Variants in NBAS observed in about 807,000 individuals in gnomAD.
NBAS encodes NAG/BC035112 fusion.
Under a neutral mutation model 302.5 loss-of-function variants are expected in NBAS, and 219 were observed. The ratio of observed to expected loss-of-function variants is 0.72; its 90% CI spans 0.65 to 0.81. NBAS has a LOEUF of 0.81. NBAS is among the 30% of genes least tolerant of loss of function. The pLI, the probability that NBAS is intolerant of heterozygous loss-of-function variation, is 0.00. For synonymous variants in NBAS, 1,118 were observed against 1,021.6 expected, an observed-to-expected ratio of 1.09 and a Z score of -1.80; for missense variants, 2,932 against 2,841.6, an observed-to-expected ratio of 1.03 and a Z score of -0.72.
chr2:15,277,811 T>C (rs145783370), intron 42 of NBAS, among the ~76,000 whole-genome samples: 25 of 152,314 alleles, frequency 1.6e-4, no homozygotes, highest in African/African-American at 6.0e-4. Context: ...GTTGATTGGT[T>C]TGTGCTTTTA....
chr2:15,325,726 G>A (rs1368365745), intron 38 of NBAS, among the ~76,000 whole-genome samples: 9 of 152,132 alleles, frequency 5.9e-5, no homozygotes, highest in Non-Finnish European at 1.0e-4. Flanking sequence ...TATCATCTGC[G>A]TGTTCACTGG....
chr2:15,470,467 A>G (rs184220843), intron 16 of NBAS, among the ~76,000 whole-genome samples: 11 of 152,368 alleles, frequency 7.2e-5, no homozygotes, highest in African/African-American at 2.6e-4. Context: ...TAAAATGTTT[A>G]CTGGGCACCT....
chr2:15,424,466 A>G lies in NBAS; in HGVS notation c.2426T>C (p.Met809Thr). ...ATCTTGGAGATTCGGCTCAACAACC[A>G]TTCTGTGAAGCACAAAAGGACCAAT... is the stretch of plus-strand genomic sequence containing the variant. The part of the protein sequence containing the change: ...KDWCEELACR[M>T]VVEPNLQDES... Residue 809 changes from methionine to threonine, a missense_variant and splice_region_variant, in exon 23 of 52, where the codon ATG becomes ACG. Met to Thr is a moderately conservative substitution (Grantham distance 81, BLOSUM62 -1). Coordinates refer to ENST00000281513, the MANE Select transcript of NBAS (RefSeq NM_015909.4). 2 of 1,614,112 alleles carry G rather than the reference A, an allele frequency of 1.2e-6. No individual in the cohort carries two copies. Among genetic ancestry groups the G allele is most frequent in the South Asian group, 2.2e-5 (2 of 91,088 alleles).
chr2:15,547,027 A>C (rs1664149159), intron 6 of NBAS, among the ~76,000 whole-genome samples: 1 of 152,246 alleles, frequency 6.6e-6, no homozygotes, highest in Non-Finnish European at 1.5e-5. Flanking sequence ...CTACCATAGT[A>C]CAACTCTTTT....
At chr2:15,411,945 A>G (rs2148451558) in intron 25 of NBAS, among the ~76,000 whole-genome samples, 1 of 152,244 alleles carries the variant, frequency 6.6e-6, no homozygotes, top group South Asian at 2.1e-4. Context: ...GGACTAGCCC[A>G]AGTTTCTTCC....
intron 44 of NBAS, among the ~76,000 whole-genome samples, chr2:15,251,992 C>T (rs1668385575): frequency 6.6e-6 from 1 of 152,154 alleles, no homozygotes; most frequent in South Asian, 2.1e-4. Flanking sequence ...GCAGAAATGA[C>T]AACATGAGGA....
the NBAS span, among the ~76,000 whole-genome samples, chr2:15,159,986 A>G: frequency 6.6e-6 from 1 of 152,130 alleles, no homozygotes; most frequent in Non-Finnish European, 1.5e-5. Flanking sequence ...AAATCTAGCA[A>G]TAAGATTATT....
intron 46 of NBAS, among the ~76,000 whole-genome samples, chr2:15,233,885 T>A (rs1448085602): frequency 6.6e-6 from 1 of 152,182 alleles, no homozygotes; most frequent in East Asian, 1.9e-4. Context: ...AAAAGGAGAA[T>A]AAATTAAACA....
chr2:14,993,232 A>T, the NBAS span, among the ~76,000 whole-genome samples: 24 of 152,166 alleles, frequency 1.6e-4, no homozygotes, highest in African/African-American at 5.8e-4. Context: ...AAAAATGGAC[A>T]CTAGGGGAGG....
At chr2:15,441,219 T>G (rs1678380632) in intron 21 of NBAS, among the ~76,000 whole-genome samples, 1 of 151,624 alleles carries the variant, frequency 6.6e-6, no homozygotes, top group Non-Finnish European at 1.5e-5. Context: ...TTCACCAAAG[T>G]TGAAATGAAG....
the NBAS span, among the ~76,000 whole-genome samples, chr2:14,916,714 T>A: frequency 1.3e-5 from 2 of 152,244 alleles, no homozygotes; most frequent in African/African-American, 4.8e-5. Context: ...AAGCCCTGTT[T>A]GATAATTTAT....
chr2:14,981,942 T>A, the NBAS span, among the ~76,000 whole-genome samples: 1 of 152,178 alleles, frequency 6.6e-6, no homozygotes, highest in Non-Finnish European at 1.5e-5. Context: ...GCTCCTCACA[T>A]CAAAAGATGT....
intron 38 of NBAS, among the ~76,000 whole-genome samples, chr2:15,318,484 G>A (rs1425962176): frequency 6.6e-6 from 1 of 152,144 alleles, no homozygotes; most frequent in East Asian, 1.9e-4. Context: ...CCATTACTGT[G>A]CTTTATTCAG....
downstream of NBAS, among the ~76,000 whole-genome samples, chr2:15,162,208 G>A (rs190129952): frequency 1.4e-4 from 21 of 152,320 alleles, no homozygotes; most frequent in East Asian, 1.2e-3. Context: ...CAACAGGCGC[G>A]TTGTTTGTCA....
At chr2:15,344,180 A>C (rs1394927918) in intron 35 of NBAS, among the ~76,000 whole-genome samples, 1 of 152,026 alleles carries the variant, frequency 6.6e-6, no homozygotes, top group African/African-American at 2.4e-5. Context: ...TATCAAACAA[A>C]TATCATAATG....
chr2:15,511,451 A>G, intron 9 of NBAS, 101 bp from the exon 10 acceptor site: 2 of 1,034,966 alleles, frequency 1.9e-6, no homozygotes, highest in Non-Finnish European at 2.9e-6. Context: ...AAATTTACCA[A>G]GTACTATTAA....
the NBAS span, among the ~76,000 whole-genome samples, chr2:15,053,528 CT>C: frequency 1.3e-5 from 2 of 152,156 alleles, no homozygotes; most frequent in Non-Finnish European, 2.9e-5. Context: ...GCAGCAACAA[CT>C]CAGAGAGGTA....
intron 48 of NBAS, among the ~76,000 whole-genome samples, chr2:15,200,651 GA>G (rs1173552238): frequency 6.6e-6 from 1 of 152,162 alleles, no homozygotes; most frequent in Non-Finnish European, 1.5e-5. Context: ...TCAAACATAA[GA>G]ATATTTTTTT....
the NBAS span, among the ~76,000 whole-genome samples, chr2:14,962,943 GAA>G: frequency 7.0e-6 from 1 of 142,440 alleles, no homozygotes; most frequent in Non-Finnish European, 1.5e-5. Context: ...AAACAAAGGA[GAA>G]AAAAAAAAAC....
Sources: gnomAD v4.1 joint callset for allele counts (sites outside exome capture counted in the v4.1 genomes callset) on GRCh38, gnomAD v4.1.1 for gene constraint, MANE v1.5 for transcripts, NCBI Gene and HGNC (gene_info 2026-07-23, HGNC 2026-07-21) for gene names.